FGGY: variants seen among roughly 807,000 people sequenced by gnomAD.
FGGY encodes FGGY carbohydrate kinase domain-containing protein.
In FGGY, 72 loss-of-function variants were observed where a neutral mutation model predicts 71.3. That is an observed-to-expected ratio of 1.01 (90% CI 0.84 to 1.23). The LOEUF is 1.23. FGGY is among the 50% of genes most tolerant of loss of function. FGGY has a pLI of 0.00. For synonymous variants in FGGY, 251 were observed against 250.3 expected, an observed-to-expected ratio of 1.00 and a Z score of -0.02; for missense variants, 668 against 682.3, an observed-to-expected ratio of 0.98 and a Z score of 0.23.
chr1:59,497,755 T>G (rs750781553), intron 6 of FGGY, among the ~76,000 whole-genome samples: 5 of 152,218 alleles, frequency 3.3e-5, no homozygotes, highest in Admixed American at 6.5e-5. Context: ...CCAGAGAGAA[T>G]GAACAATTCT....
intron 14 of FGGY, among the ~76,000 whole-genome samples, chr1:59,749,680 A>T (rs2098229211): frequency 6.6e-6 from 1 of 152,210 alleles, no homozygotes; most frequent in Admixed American, 6.5e-5. Flanking sequence ...TGCATGCTAA[A>T]GGGATAATAA....
At chr1:59,657,363 A>G (rs1218479564) in intron 11 of FGGY, among the ~76,000 whole-genome samples, 1 of 152,226 alleles carries the variant, frequency 6.6e-6, no homozygotes, top group Non-Finnish European at 1.5e-5. Flanking sequence ...CCTCCTGGAC[A>G]GGCTCTAGAA....
Position 59,584,758 on chromosome 1 carries a change from T to C in FGGY, c.904-23045T>C, listed in dbSNP as rs191296012. On this transcript the variant is annotated intron_variant, in intron 8 of 15. Coordinates refer to ENST00000303721, the MANE Select transcript of FGGY (RefSeq NM_018291.5). ...CCTGTTTGCAGATGACATGAATGTA[T>C]ATCTAGAAAACCCCATCATCTCAGC... Among the ~76,000 whole-genome samples the C allele has an allele frequency of 1.0e-3, 151 of 150,106 alleles. 12 individuals are homozygous for C. The highest frequency in any genetic ancestry group is 3.5e-3 in the African/African-American group (141 of 39,778).
intron 14 of FGGY, among the ~76,000 whole-genome samples, chr1:59,707,688 G>A (rs1035955121): frequency 5.3e-5 from 8 of 152,174 alleles, no homozygotes; most frequent in African/African-American, 9.7e-5. Flanking sequence ...AAATGGCTGA[G>A]TCTGTTGCTG....
chr1:59,758,105 T>A, intron 15 of FGGY, 113 bp downstream of exon 15: 1 of 689,370 alleles, frequency 1.5e-6, no homozygotes, highest in Non-Finnish European at 2.3e-6. Context: ...GTCCTTTAAT[T>A]TGTGGTTAAG....
intron 4 of FGGY, among the ~76,000 whole-genome samples, chr1:59,347,725 A>G (rs1282325800): frequency 6.6e-6 from 1 of 152,188 alleles, no homozygotes; most frequent in African/African-American, 2.4e-5. Flanking sequence ...CTATTTAATA[A>G]ATGGTGCTGG....
At chr1:59,553,523 C>T (rs924406248) in intron 7 of FGGY, among the ~76,000 whole-genome samples, 30 of 152,308 alleles carry the variant, frequency 2.0e-4, no homozygotes, top group African/African-American at 7.0e-4. Flanking sequence ...GGAACTCGCT[C>T]TCAGTCATTC....
At chr1:59,381,150 T>C (rs1291266496) in intron 5 of FGGY, among the ~76,000 whole-genome samples, 1 of 152,226 alleles carries the variant, frequency 6.6e-6, no homozygotes, top group Non-Finnish European at 1.5e-5. Flanking sequence ...CATTGGTCTA[T>C]ATCTCTGTTT....
intron 5 of FGGY, among the ~76,000 whole-genome samples, chr1:59,429,734 G>T (rs1031504401): frequency 6.6e-6 from 1 of 152,108 alleles, no homozygotes; most frequent in Non-Finnish European, 1.5e-5. Flanking sequence ...CACACGTGAC[G>T]CACATATTTT....
chr1:59,326,446 G>A lies in FGGY; in HGVS notation c.201+4696G>A, dbSNP rs1189265688. 3.3e-5 allele frequency among the ~76,000 whole-genome samples: 5 copies of A among 152,138 alleles called. No individual in the cohort carries two copies. The South Asian group carries it at 6.2e-4, about 19-fold the overall frequency. ...TCATAGAACCATTATAGTTTACAGT[G>A]CATCTTCATTTTCATTTGATTGCTA... On this transcript the variant is annotated intron_variant, in intron 2 of 15. Coordinates refer to ENST00000303721, the MANE Select transcript of FGGY (RefSeq NM_018291.5).
At chr1:59,705,871 T>G (rs1038901228) in intron 14 of FGGY, among the ~76,000 whole-genome samples, 1 of 152,242 alleles carries the variant, frequency 6.6e-6, no homozygotes, top group African/African-American at 2.4e-5. Flanking sequence ...ACTGGTCATC[T>G]AAAACTATTG....
At chr1:59,618,271 G>A (rs1218740850) in intron 9 of FGGY, among the ~76,000 whole-genome samples, 1 of 152,068 alleles carries the variant, frequency 6.6e-6, no homozygotes, top group East Asian at 1.9e-4. Context: ...AATATTTTTA[G>A]GCCCATTAGG....
At chr1:59,468,026 T>C (rs1008594689) in intron 6 of FGGY, among the ~76,000 whole-genome samples, 7 of 151,942 alleles carry the variant, frequency 4.6e-5, no homozygotes, top group Non-Finnish European at 8.8e-5. Flanking sequence ...GCCTCAGCCT[T>C]CCGAGTAGCT....
intron 9 of FGGY, among the ~76,000 whole-genome samples, chr1:59,615,823 G>C (rs866585199): frequency 3.1e-4 from 47 of 151,986 alleles, no homozygotes; most frequent in African/African-American, 1.1e-3. Flanking sequence ...AACCCCATCA[G>C]CAAGTGGGCG....
chr1:59,682,119 ATAT>A (rs1479110727), intron 14 of FGGY, among the ~76,000 whole-genome samples: 1 of 152,196 alleles, frequency 6.6e-6, no homozygotes, highest in Non-Finnish European at 1.5e-5. Context: ...ATTTTCTATA[ATAT>A]TATAATAATT....
intron 5 of FGGY, among the ~76,000 whole-genome samples, chr1:59,411,323 T>C (rs2063568035): frequency 6.6e-6 from 1 of 152,262 alleles, no homozygotes; most frequent in African/African-American, 2.4e-5. Context: ...CCTTTCACAG[T>C]GCATCACAGC....
chr1:59,425,441 C>T (rs181318717), intron 5 of FGGY, among the ~76,000 whole-genome samples: 217 of 152,160 alleles, frequency 1.4e-3, no homozygotes, highest in Admixed American at 3.3e-3. Flanking sequence ...TCGCCCTTCC[C>T]ATTACACTTG....
intron 14 of FGGY, among the ~76,000 whole-genome samples, chr1:59,705,980 A>G (rs74901348): frequency 0.092 from 14,015 of 152,232 alleles, 749 homozygotes; most frequent in Middle Eastern, 0.16. Context: ...CAGTGGGCCT[A>G]AAGGAAACGA....
chr1:59,299,275 A>T, intron 1 of FGGY, among the ~76,000 whole-genome samples: 1 of 152,296 alleles, frequency 6.6e-6, no homozygotes, highest in East Asian at 1.9e-4. Flanking sequence ...GCAGGAAAGG[A>T]TAAGTTGGAA....
Sources: gnomAD v4.1 joint callset for allele counts (sites outside exome capture counted in the v4.1 genomes callset) on GRCh38, gnomAD v4.1.1 for gene constraint, MANE v1.5 for transcripts, NCBI Gene and HGNC (gene_info 2026-07-23, HGNC 2026-07-21) for gene names.